GPC5: variants seen among roughly 807,000 people sequenced by gnomAD.
GPC5 encodes the protein glypican 5.
In GPC5, 47 loss-of-function variants were observed where a neutral mutation model predicts 53.9. That is an observed-to-expected ratio of 0.87 (90% CI 0.69 to 1.11). The LOEUF (loss-of-function observed/expected upper bound fraction) is 1.11, where lower values mean the gene tolerates loss of function less well. Ranked by LOEUF, GPC5 falls within the 50% of genes most tolerant of loss-of-function variation. GPC5 has a pLI of 0.00. For synonymous variants in GPC5, 286 were observed against 263.3 expected (o/e 1.09, Z -0.84); for missense variants, 748 against 713.1 (o/e 1.05, Z -0.56).
chr13:91,586,859 A>G (rs2032616149), intron 2 of GPC5, among the ~76,000 whole-genome samples: 1 of 151,864 alleles, frequency 6.6e-6, no homozygotes, highest in African/African-American at 2.4e-5. Flanking sequence ...CAAAATGGAA[A>G]TATTTGGTAG....
At chr13:92,338,902 G>A (rs1277431723) in intron 7 of GPC5, among the ~76,000 whole-genome samples, 1 of 152,068 alleles carries the variant, frequency 6.6e-6, no homozygotes, top group African/African-American at 2.4e-5. Flanking sequence ...GCATGATTAT[G>A]ATATGTCAAT....
chr13:92,813,519 T>C (rs972514145), intron 7 of GPC5, among the ~76,000 whole-genome samples: 1 of 152,022 alleles, frequency 6.6e-6, no homozygotes, highest in Non-Finnish European at 1.5e-5. Context: ...TTTATGCAAA[T>C]ACATGTGTTA....
At chr13:91,502,920 C>G (rs1884725223) in intron 2 of GPC5, among the ~76,000 whole-genome samples, 1 of 152,168 alleles carries the variant, frequency 6.6e-6, no homozygotes, top group African/African-American at 2.4e-5. Flanking sequence ...TACTTATGCT[C>G]TCAGATCTGG....
intron 6 of GPC5, among the ~76,000 whole-genome samples, chr13:92,045,654 A>G (rs978011718): frequency 6.6e-6 from 1 of 152,176 alleles, no homozygotes; most frequent in Non-Finnish European, 1.5e-5. Flanking sequence ...ATGATTTTAA[A>G]AATGAAAAAC....
chr13:92,486,253 G>C (rs1001207217), intron 7 of GPC5, among the ~76,000 whole-genome samples: 1 of 152,138 alleles, frequency 6.6e-6, no homozygotes, highest in Non-Finnish European at 1.5e-5. Flanking sequence ...ACGGATGTCA[G>C]TGACAACAAA....
At chr13:91,814,154 T>G (rs1413738726) in intron 5 of GPC5, among the ~76,000 whole-genome samples, 2 of 151,908 alleles carry the variant, frequency 1.3e-5, no homozygotes, top group African/African-American at 4.8e-5. Context: ...AGATGGTCTT[T>G]ATCTCTTGAC....
intron 7 of GPC5, among the ~76,000 whole-genome samples, chr13:92,394,144 CA>C (rs1027030970): frequency 2.6e-5 from 4 of 151,916 alleles, no homozygotes; most frequent in African/African-American, 7.3e-5. Flanking sequence ...CATGAAGGAC[CA>C]AGTGAAATTT....
At chr13:92,738,640 A>T (rs984007856) in intron 7 of GPC5, among the ~76,000 whole-genome samples, 6 of 151,930 alleles carry the variant, frequency 3.9e-5, no homozygotes, top group African/African-American at 1.4e-4. Flanking sequence ...GATAAGACCA[A>T]CTCTTGATAT....
chr13:91,872,154 G>A (rs2039152383), intron 5 of GPC5, among the ~76,000 whole-genome samples: 1 of 152,092 alleles, frequency 6.6e-6, no homozygotes, highest in Non-Finnish European at 1.5e-5. Context: ...CTCTTTTCCA[G>A]CTGTAAATGG....
intron 7 of GPC5, among the ~76,000 whole-genome samples, chr13:92,811,463 T>C (rs909514892): frequency 3.3e-5 from 5 of 152,026 alleles, no homozygotes; most frequent in Non-Finnish European, 4.4e-5. Flanking sequence ...AATTTTTTAA[T>C]TGGGCTGTTC....
chr13:92,076,542 A>C (rs1481504960), intron 6 of GPC5, among the ~76,000 whole-genome samples: 1 of 150,554 alleles, frequency 6.6e-6, no homozygotes, highest in South Asian at 2.1e-4. Flanking sequence ...GTTTTGCAAT[A>C]ACTTGTGAGG....
At chr13:91,503,780 A>AAATAATAATAATAATAAT (rs74995934) in intron 2 of GPC5, among the ~76,000 whole-genome samples, 77 of 132,882 alleles carry the variant, frequency 5.8e-4, no homozygotes, top group East Asian at 1.7e-3. Context: ...CTCTGTCTCA[A>AAATAATAATAATAATAAT]AATAATAATA....
At chr13:92,543,146 T>G (rs9584038) in intron 7 of GPC5, among the ~76,000 whole-genome samples, 11,451 of 152,088 alleles carry the variant, frequency 0.075, 1,298 homozygotes, top group African/African-American at 0.24. Context: ...GTCTCACAAC[T>G]CCTATAGACT....
At chr13:92,378,373 A>C (rs2139302949) in intron 7 of GPC5, among the ~76,000 whole-genome samples, 1 of 152,344 alleles carries the variant, frequency 6.6e-6, no homozygotes, top group Middle Eastern at 3.4e-3. Context: ...TTTCATCATG[A>C]AAAGGAGGTT....
intron 7 of GPC5, among the ~76,000 whole-genome samples, chr13:92,714,517 A>G (rs2139275665): frequency 6.6e-6 from 1 of 152,346 alleles, no homozygotes; most frequent in Non-Finnish European, 1.5e-5. Context: ...AGAAACATAG[A>G]AAATTTCACA....
intron 1 of GPC5, among the ~76,000 whole-genome samples, chr13:91,416,241 C>T (rs1878211013): frequency 6.6e-6 from 1 of 152,070 alleles, no homozygotes; most frequent in Non-Finnish European, 1.5e-5. Context: ...TTTAAGAACC[C>T]TCATTAAGTT....
intron 6 of GPC5, among the ~76,000 whole-genome samples, chr13:91,957,290 C>T (rs1235506018): frequency 6.6e-6 from 1 of 152,004 alleles, no homozygotes; most frequent in Non-Finnish European, 1.5e-5. Context: ...TTTGTAAAAA[C>T]GTTTTTAAGT....
intron 7 of GPC5, among the ~76,000 whole-genome samples, chr13:92,426,430 C>T (rs1876837987): frequency 6.6e-6 from 1 of 152,104 alleles, no homozygotes. Flanking sequence ...AATCAGCTTT[C>T]CATATTTTAA....
chr13:92,845,417 G>A (rs950817584), intron 7 of GPC5, among the ~76,000 whole-genome samples: 8 of 152,036 alleles, frequency 5.3e-5, no homozygotes, highest in East Asian at 3.9e-4. Context: ...ATATAGTTCC[G>A]ATTCAAAGGC....
Sources: gnomAD v4.1 joint callset for allele counts (sites outside exome capture counted in the v4.1 genomes callset) on GRCh38, gnomAD v4.1.1 for gene constraint, MANE v1.5 for transcripts, NCBI Gene and HGNC (gene_info 2026-07-23, HGNC 2026-07-21) for gene names.